The following KRAS variants were observed in gnomAD, a reference collection of about 807,000 sequenced individuals.
KRAS encodes the protein KRas proto-oncogene, GTPase.
Under a neutral mutation model 21.0 loss-of-function variants are expected in KRAS, and 1 was observed. The observed-to-expected ratio is 0.05, with a 90% CI of 0.02 to 0.23. The LOEUF (loss-of-function observed/expected upper bound fraction) is 0.23, where lower values mean the gene tolerates loss of function less well. KRAS is among the 10% of genes least tolerant of loss of function. The probability of loss-of-function intolerance (pLI) is 1.00; values close to 1 mark genes in which losing one functional copy is unlikely to be tolerated. For missense variants in KRAS, 107 were observed against 221.8 expected (o/e 0.48, Z 3.29); for synonymous variants, 67 against 72.5 (o/e 0.92, Z 0.39).
At chr12:25,250,464 G>T (rs991037618) in intron 1 of KRAS, among the ~76,000 whole-genome samples, 9 of 152,052 alleles carry the variant, frequency 5.9e-5, no homozygotes, top group Non-Finnish European at 1.3e-4. Flanking sequence ...CTCTCGGGGA[G>T]GAGGAAGGAA....
chr12:25,209,784 AC>A lies in KRAS; in HGVS notation c.*10del. On this transcript the variant is annotated 3_prime_UTR_variant, in exon 5 of 5. Coordinates refer to ENST00000311936, the MANE Select transcript of KRAS (RefSeq NM_004985.5). Reference sequence around the variant, plus strand: ...TACTAGTATGCCTTAAGAAAAAAGTACAAATTGTATTTACATAATTACACAC... The same window carrying A: ...TACTAGTATGCCTTAAGAAAAAAGTAAAATTGTATTTACATAATTACACAC... 1 of 1,606,012 alleles carries A rather than the reference AC, an allele frequency of 6.2e-7. No individual in the cohort carries two copies. The highest frequency in any genetic ancestry group is 1.3e-5 in the African/African-American group (1 of 74,822).
intron 1 of KRAS, among the ~76,000 whole-genome samples, chr12:25,248,706 C>T (rs1484071418): frequency 1.3e-5 from 2 of 152,016 alleles, no homozygotes; most frequent in East Asian, 3.9e-4. Flanking sequence ...AAATGAAGAT[C>T]ATGGGCTGGG....
chr12:25,233,339 T>G (rs1377755569), intron 2 of KRAS, among the ~76,000 whole-genome samples: 2 of 151,912 alleles, frequency 1.3e-5, no homozygotes, highest in Admixed American at 1.3e-4. Context: ...TCACCTGAGG[T>G]CAAGAGTTCA....
At chr12:25,249,591 C>CAAAAAAAAAAGAA (rs1951737447) in intron 1 of KRAS, among the ~76,000 whole-genome samples, 2 of 60,822 alleles carry the variant, frequency 3.3e-5, no homozygotes, top group Non-Finnish European at 5.7e-5. Flanking sequence ...GACTGTGTCT[C>CAAAAAAAAAAGAA]AAAAAAAAAA....
intron 2 of KRAS, among the ~76,000 whole-genome samples, chr12:25,238,090 T>G (rs1229672633): frequency 6.6e-6 from 1 of 152,130 alleles, no homozygotes. Context: ...TCACTAAAAG[T>G]AAGGATAAAG....
At position 25,220,444 on chromosome 12, in the gene KRAS, T is replaced by G. The variant is rs570090950; in HGVS notation, c.450+5170A>C. Among the ~76,000 whole-genome samples, 106 of 152,284 alleles carry G rather than the reference T, an allele frequency of 7.0e-4. 1 individual carries two copies. The highest frequency in any genetic ancestry group is 1.2e-3 in the Non-Finnish European group (79 of 67,992). ...ACCCTGCAATTCTTATCTTAAAAAG[T>G]ACAGCTGGGCACAGTGGCTCACGCC... On this transcript the variant is annotated intron_variant, in intron 4 of 4. Coordinates refer to ENST00000311936, the MANE Select transcript of KRAS (RefSeq NM_004985.5).
At chr12:25,220,205 C>A (rs1217084769) in intron 4 of KRAS, among the ~76,000 whole-genome samples, 1 of 152,108 alleles carries the variant, frequency 6.6e-6, no homozygotes, top group African/African-American at 2.4e-5. Context: ...CCAAAGGGAC[C>A]AGGAAAATCT....
At chr12:25,234,501 C>T (rs1446621706) in intron 2 of KRAS, 1 of 183,334 alleles carries the variant, frequency 5.5e-6, no homozygotes, top group African/African-American at 2.3e-5. Flanking sequence ...ATAAGCTACA[C>T]ATTTTTATTG....
intron 2 of KRAS, among the ~76,000 whole-genome samples, chr12:25,244,723 G>A (rs1485104580): frequency 8.6e-5 from 13 of 151,788 alleles, no homozygotes; most frequent in Non-Finnish European, 1.8e-4. Flanking sequence ...ATTTAAAAAT[G>A]ACAACAAAGC....
At chr12:25,224,812 A>G (rs1486366662) in intron 4 of KRAS, among the ~76,000 whole-genome samples, 2 of 152,132 alleles carry the variant, frequency 1.3e-5, no homozygotes, top group African/African-American at 4.8e-5. Flanking sequence ...AGTATATTCT[A>G]TGATGTTTGC....
chr12:25,232,860 G>C (rs913482997), intron 2 of KRAS, among the ~76,000 whole-genome samples: 1 of 152,052 alleles, frequency 6.6e-6, no homozygotes, highest in Non-Finnish European at 1.5e-5. Flanking sequence ...GACATAATAA[G>C]CACAATATTT....
Position 25,250,866 on chromosome 12 carries a change from C to A in KRAS, c.-127G>T. ...GGGCCGGGAGTACTGGCCGAGCCGC[C>A]GCCACCTTCGCCGCCGCCACTGCCG... is the stretch of plus-strand genomic sequence containing the variant. On this transcript the variant is annotated 5_prime_UTR_variant, in exon 1 of 5. Coordinates refer to ENST00000311936, the MANE Select transcript of KRAS (RefSeq NM_004985.5). 1 of 248,576 alleles carries A rather than the reference C, an allele frequency of 4.0e-6. No individual in the cohort carries two copies. Among genetic ancestry groups the A allele is most frequent in the Non-Finnish European group, 7.6e-6 (1 of 131,752 alleles). The allele number at this position is 248,576 out of a possible 1,614,324, so 15.4% of individuals were successfully genotyped here.
intron 1 of KRAS, among the ~76,000 whole-genome samples, chr12:25,247,982 T>G (rs1006815436): frequency 6.6e-6 from 1 of 152,130 alleles, no homozygotes; most frequent in African/African-American, 2.4e-5. Context: ...TCCAATACGG[T>G]AAATATTAAT....
Position 25,213,096 on chromosome 12 carries a change from T to C in KRAS, c.451-3185A>G, listed in dbSNP as rs116421582. ...AAATTTTTTTTTAAATTGTATTTAA[T>C]TTTAAATTTTTAATTACCAAGTATA... On this transcript the variant is annotated intron_variant, in intron 4 of 4. Transcript: ENST00000311936. 2.0e-3 allele frequency among the ~76,000 whole-genome samples: 312 copies of C among 152,230 alleles called. 1 individual carries two copies. Among genetic ancestry groups the C allele is most frequent in the African/African-American group, 7.1e-3 (293 of 41,540 alleles).
intron 4 of KRAS, among the ~76,000 whole-genome samples, chr12:25,212,451 G>A (rs1254804016): frequency 6.6e-6 from 1 of 152,134 alleles, no homozygotes; most frequent in Non-Finnish European, 1.5e-5. Flanking sequence ...TTGGCCCAGT[G>A]CAGTGGCTCA....
intron 4 of KRAS, among the ~76,000 whole-genome samples, chr12:25,221,095 G>A (rs1446467846): frequency 6.7e-6 from 1 of 149,548 alleles, no homozygotes; most frequent in East Asian, 2.0e-4. Context: ...ACTATGTTAA[G>A]TTTTACTTTA....
chr12:25,246,154 A>T (rs1186612939), intron 1 of KRAS, among the ~76,000 whole-genome samples: 1 of 151,586 alleles, frequency 6.6e-6, no homozygotes, highest in Admixed American at 6.6e-5. Flanking sequence ...TCTCAAAAAA[A>T]AAAAAAAAAA....
intron 2 of KRAS, among the ~76,000 whole-genome samples, chr12:25,242,295 T>C (rs994792968): frequency 6.6e-6 from 1 of 152,192 alleles, no homozygotes; most frequent in South Asian, 2.1e-4. Context: ...AGATACTTAA[T>C]ATATATTTGG....
intron 4 of KRAS, among the ~76,000 whole-genome samples, chr12:25,216,537 G>C (rs1951257962): frequency 6.6e-6 from 1 of 152,102 alleles, no homozygotes; most frequent in African/African-American, 2.4e-5. Flanking sequence ...GGCCTCCTAA[G>C]GGCTGGGATT....
Sources: gnomAD v4.1 joint callset for allele counts (sites outside exome capture counted in the v4.1 genomes callset) on GRCh38, gnomAD v4.1.1 for gene constraint, MANE v1.5 for transcripts, NCBI Gene and HGNC (gene_info 2026-07-23, HGNC 2026-07-21) for gene names.